The following IFIH1 variants were observed in gnomAD, a reference collection of about 807,000 sequenced individuals.
The protein encoded by IFIH1 is interferon induced with helicase C domain 1, also known as interferon-induced helicase C domain-containing protein 1.
IFIH1 carries 125 observed loss-of-function variants against 107.4 expected under a neutral mutation model. That is an observed-to-expected ratio of 1.16 (90% confidence interval 1.01 to 1.35). The LOEUF (loss-of-function observed/expected upper bound fraction) is 1.35, where lower values mean the gene tolerates loss of function less well. Among genes scored for constraint, IFIH1 ranks in the 40% most tolerant of loss-of-function variants. IFIH1 has a pLI of 0.00. For missense variants in IFIH1, 1,333 were observed against 1,213.7 expected (o/e 1.10, Z -1.46); for synonymous variants, 458 against 413.2 (o/e 1.11, Z -1.31).
At chr2:162,314,578 C>T (rs537442503) in intron 1 of IFIH1, among the ~76,000 whole-genome samples, 27 of 151,840 alleles carry the variant, frequency 1.8e-4, no homozygotes, top group African/African-American at 6.3e-4. Context: ...AGCTCCGCCT[C>T]CCAGGTTCAT....
intron 3 of IFIH1, among the ~76,000 whole-genome samples, chr2:162,300,646 A>G (rs1338338253): frequency 3.3e-5 from 5 of 152,210 alleles, no homozygotes; most frequent in South Asian, 2.1e-4. Context: ...TTGCCTCAGT[A>G]GTACTGCTAG....
chr2:162,307,503 CTT>C (rs1683306441), intron 2 of IFIH1, among the ~76,000 whole-genome samples: 1 of 152,160 alleles, frequency 6.6e-6, no homozygotes, highest in East Asian at 1.9e-4. Flanking sequence ...TTGTGCCCCT[CTT>C]TTCTTCTTTC....
chr2:162,303,277 G>C (rs1174417061), intron 3 of IFIH1, among the ~76,000 whole-genome samples: 1 of 152,122 alleles, frequency 6.6e-6, no homozygotes, highest in Non-Finnish European at 1.5e-5. Context: ...ACCATGCTCG[G>C]CTAAGTTTTT....
chr2:162,283,516 G>A (rs1682845434), intron 5 of IFIH1, among the ~76,000 whole-genome samples: 3 of 152,016 alleles, frequency 2.0e-5, no homozygotes, highest in Non-Finnish European at 4.4e-5. Flanking sequence ...TGCAATGGAA[G>A]CCCAGCAGTG....
At chr2:162,277,811 G>C (rs1682728979) in intron 9 of IFIH1, 118 bp from the exon 10 acceptor site, 1 of 1,261,666 alleles carries the variant, frequency 7.9e-7, no homozygotes, top group East Asian at 2.5e-5. Flanking sequence ...GTTTTAAAAT[G>C]GGCAAGTTAA....
At chr2:162,312,217 C>T (rs60888258) in intron 1 of IFIH1, among the ~76,000 whole-genome samples, 14,134 of 152,104 alleles carry the variant, frequency 0.093, 2,224 homozygotes, top group African/African-American at 0.32. Flanking sequence ...AGTGTTAGAA[C>T]TATTATGGAT....
intron 1 of IFIH1, 52 bp from the exon 2 acceptor site, chr2:162,310,985 C>A (rs1323641088): frequency 7.1e-7 from 1 of 1,416,714 alleles, no homozygotes; most frequent in African/African-American, 1.4e-5. Context: ...TTCTGAATAA[C>A]CTTAAACAGG....
chr2:162,291,012 ATTGT>A (rs1682987855), intron 4 of IFIH1, among the ~76,000 whole-genome samples: 1 of 151,740 alleles, frequency 6.6e-6, no homozygotes, highest in African/African-American at 2.4e-5. Context: ...TGGGTTTTTG[ATTGT>A]TTGTTGTTTG....
chr2:162,299,775 A>G (rs1683160031), intron 3 of IFIH1, among the ~76,000 whole-genome samples: 1 of 152,208 alleles, frequency 6.6e-6, no homozygotes, highest in African/African-American at 2.4e-5. Flanking sequence ...AATTACTGTT[A>G]GAGAAACTCG....
chr2:162,267,383 G>A lies in IFIH1; in HGVS notation c.2899-4C>T, dbSNP rs114541610. ...GCACCATCATTGTTCCCCAAGCCTG[G>A]AAAACAAAAGAGAGAGCAAGAGGAA... On this transcript the variant is annotated splice_region_variant and splice_polypyrimidine_tract_variant and intron_variant, in intron 15 of 15. Transcript: ENST00000649979. The A allele has an allele frequency of 3.5e-4, 560 of 1,613,748 alleles. 4 individuals are homozygous for A. In the African/African-American group the frequency reaches 7.0e-3, roughly 20 times the overall value.
In IFIH1 at chr2:162,306,706, T is replaced by TACCTG. The variant is rs1323841528; in HGVS notation, c.767_769+2dup. 14 of 1,613,264 alleles carry TACCTG rather than the reference T, an allele frequency of 8.7e-6. No individual in the cohort carries two copies. The highest frequency in any genetic ancestry group is 1.3e-5 in the African/African-American group (1 of 74,914). On this transcript the variant is annotated splice_region_variant and intron_variant, in intron 3 of 15. Coordinates refer to ENST00000649979, the MANE Select transcript of IFIH1 (RefSeq NM_022168.4). ...TATTAAAGTACGTATGTGTTTCAAG[T>TACCTG]ACCTGAAACTACAGAAGAATCTGCA...
intron 13 of IFIH1, among the ~76,000 whole-genome samples, chr2:162,270,273 A>C (rs1357473044): frequency 6.6e-6 from 1 of 152,244 alleles, no homozygotes; most frequent in African/African-American, 2.4e-5. Flanking sequence ...TATGATGATC[A>C]ACTTGCTCCT....
intron 8 of IFIH1, among the ~76,000 whole-genome samples, chr2:162,279,700 C>T (rs995798473): frequency 6.6e-6 from 1 of 151,886 alleles, no homozygotes; most frequent in Admixed American, 6.6e-5. Flanking sequence ...ACTGTCATAA[C>T]CCCTCCAGCT....
intron 4 of IFIH1, among the ~76,000 whole-genome samples, chr2:162,293,210 AAGT>A (rs1172618272): frequency 6.6e-6 from 1 of 151,980 alleles, no homozygotes; most frequent in Non-Finnish European, 1.5e-5. Context: ...TTAATTTAAA[AAGT>A]AGAATTTGGA....
intron 5 of IFIH1, among the ~76,000 whole-genome samples, chr2:162,283,688 T>G (rs1156927872): frequency 6.6e-6 from 1 of 152,032 alleles, no homozygotes; most frequent in African/African-American, 2.4e-5. Context: ...TTACTTGAGG[T>G]AAGTCCCACT....
chr2:162,282,073 A>G (rs1682819222), intron 6 of IFIH1, among the ~76,000 whole-genome samples: 1 of 151,904 alleles, frequency 6.6e-6, no homozygotes, highest in Non-Finnish European at 1.5e-5. Flanking sequence ...TTTTTATTCT[A>G]TGGGAAAGGG....
At chr2:162,315,773 A>C (rs1026921683) in intron 1 of IFIH1, among the ~76,000 whole-genome samples, 1 of 152,180 alleles carries the variant, frequency 6.6e-6, no homozygotes, top group African/African-American at 2.4e-5. Context: ...CACCACCTCA[A>C]TATAGATTAT....
intron 3 of IFIH1, among the ~76,000 whole-genome samples, chr2:162,294,898 T>A (rs572665822): frequency 6.6e-6 from 1 of 152,056 alleles, no homozygotes; most frequent in African/African-American, 2.4e-5. Context: ...AGACACATAG[T>A]ATGTTTTAAT....
At position 162,306,779 on chromosome 2, in the gene IFIH1, C is replaced by T. The variant is rs769817867; in HGVS notation, c.699G>A (p.Leu233=). ...TCTCCATGCCCCAGACCTCCTTCTC[C>T]AGATTTGGCTGAACTGTGGTTGAAA... ...QLLSTTVQPN[L]EKEVWGMENN... is the part of the protein sequence containing the mutation. The change falls in exon 3 of 16, where the codon CTG becomes CTA. Residue 233 remains leucine, a synonymous_variant. Coordinates refer to ENST00000649979, the MANE Select transcript of IFIH1 (RefSeq NM_022168.4). 7 of 1,613,912 alleles carry T rather than the reference C, an allele frequency of 4.3e-6. No individual in the cohort carries two copies. The South Asian group carries it at 6.6e-5, about 15-fold the overall frequency.
Sources: gnomAD v4.1 joint callset for allele counts (sites outside exome capture counted in the v4.1 genomes callset) on GRCh38, gnomAD v4.1.1 for gene constraint, MANE v1.5 for transcripts, NCBI Gene and HGNC (gene_info 2026-07-23, HGNC 2026-07-21) for gene names.